Variants in DESI2 observed in about 807,000 individuals in gnomAD.
DESI2 encodes the protein desumoylating isopeptidase 2.
A neutral mutation model predicts 24.1 loss-of-function variants in DESI2; 10 were observed. The ratio of observed to expected loss-of-function variants is 0.41; its 90% CI spans 0.26 to 0.70. The LOEUF (loss-of-function observed/expected upper bound fraction) is 0.70, where lower values mean the gene tolerates loss of function less well. DESI2 is among the 30% of genes least tolerant of loss of function. The probability of loss-of-function intolerance (pLI) is 0.29; values close to 1 mark genes in which losing one functional copy is unlikely to be tolerated. For missense variants in DESI2, 122 were observed against 234.9 expected, an observed-to-expected ratio of 0.52 and a Z score of 3.14; for synonymous variants, 71 against 87.7, an observed-to-expected ratio of 0.81 and a Z score of 1.06.
At chr1:244,672,211 G>A (rs1676270826) in intron 1 of DESI2, among the ~76,000 whole-genome samples, 2 of 152,122 alleles carry the variant, frequency 1.3e-5, no homozygotes, top group African/African-American at 4.8e-5. Flanking sequence ...GGGAGGTCTT[G>A]GAATCATGGG....
intron 4 of DESI2, among the ~76,000 whole-genome samples, chr1:244,701,790 A>G (rs1003156880): frequency 6.6e-6 from 1 of 152,222 alleles, no homozygotes; most frequent in Non-Finnish European, 1.5e-5. Flanking sequence ...CTGTAACAGT[A>G]TATAGAAATA....
chr1:244,681,082 C>T (rs1676597548), intron 1 of DESI2, among the ~76,000 whole-genome samples: 1 of 151,740 alleles, frequency 6.6e-6, no homozygotes, highest in Admixed American at 6.6e-5. Context: ...TGCTTTAGGC[C>T]AGCTTCTCTA....
Position 244,686,688 on chromosome 1 carries a change from T to C in DESI2, c.115+19T>C. 2 of 1,506,662 alleles carry C rather than the reference T, an allele frequency of 1.3e-6. No individual in the cohort carries two copies. Among genetic ancestry groups the C allele is most frequent in the Non-Finnish European group, 1.8e-6 (2 of 1,083,144 alleles). 93.3% of individuals were successfully genotyped at this position (1,506,662 alleles called of 1,614,324 possible). ...GGCAGAGGTACGTGTACACACAGTC[T>C]AAATATACTCTCTGAAGATTTTGTA... On this transcript the variant is annotated intron_variant, in intron 2 of 4. Transcript: ENST00000302550.
At chr1:244,655,689 C>T (rs1314795644) in intron 1 of DESI2, among the ~76,000 whole-genome samples, 1 of 152,152 alleles carries the variant, frequency 6.6e-6, no homozygotes, top group Non-Finnish European at 1.5e-5. Flanking sequence ...GCTGAAAAAT[C>T]AAAGGTATGA....
intron 1 of DESI2, among the ~76,000 whole-genome samples, chr1:244,685,194 C>A (rs1355870775): frequency 6.6e-6 from 1 of 152,086 alleles, no homozygotes; most frequent in Admixed American, 6.6e-5. Flanking sequence ...ATATTTTCCT[C>A]TGTAAATTCT....
chr1:244,685,835 C>G (rs182854983), intron 1 of DESI2, among the ~76,000 whole-genome samples: 1 of 152,110 alleles, frequency 6.6e-6, no homozygotes, highest in Admixed American at 6.5e-5. Flanking sequence ...CTCAGTTTAA[C>G]CCCCTCCACT....
At chr1:244,702,465 G>C (rs925027204) in intron 4 of DESI2, among the ~76,000 whole-genome samples, 1 of 152,186 alleles carries the variant, frequency 6.6e-6, no homozygotes, top group African/African-American at 2.4e-5. Flanking sequence ...AGCGAGCCCA[G>C]ATTGTGCCAC....
chr1:244,654,313 A>G (rs912271958), intron 1 of DESI2, among the ~76,000 whole-genome samples: 2 of 152,244 alleles, frequency 1.3e-5, no homozygotes, highest in African/African-American at 4.8e-5. Context: ...AAGTTGACTG[A>G]CAAATGAAAA....
chr1:244,683,643 G>GT (rs1676710995), intron 1 of DESI2, among the ~76,000 whole-genome samples: 1 of 151,942 alleles, frequency 6.6e-6, no homozygotes, highest in Non-Finnish European at 1.5e-5. Flanking sequence ...ACTTGCTTTT[G>GT]TTTCCCTAAC....
chr1:244,695,048 A>AG (rs1287775010), intron 4 of DESI2, among the ~76,000 whole-genome samples: 1 of 152,224 alleles, frequency 6.6e-6, no homozygotes, highest in African/African-American at 2.4e-5. Context: ...TGAGTGTCAT[A>AG]GGGATGTAAG....
intron 4 of DESI2, among the ~76,000 whole-genome samples, chr1:244,699,454 G>A (rs1454721713): frequency 6.6e-6 from 1 of 151,330 alleles, no homozygotes; most frequent in Non-Finnish European, 1.5e-5. Context: ...TGGTGGCGCG[G>A]ACCTGTAGTC....
intron 1 of DESI2, among the ~76,000 whole-genome samples, chr1:244,678,194 T>A (rs1377806575): frequency 6.6e-6 from 1 of 152,220 alleles, no homozygotes; most frequent in African/African-American, 2.4e-5. Flanking sequence ...CCACATCTCA[T>A]TATAGTGAAT....
At chr1:244,682,336 C>T (rs936606534) in intron 1 of DESI2, among the ~76,000 whole-genome samples, 2 of 152,200 alleles carry the variant, frequency 1.3e-5, no homozygotes, top group Non-Finnish European at 2.9e-5. Flanking sequence ...ATTTACAATC[C>T]TCTAGCTAGA....
At chr1:244,660,833 A>G (rs1424466800) in intron 1 of DESI2, among the ~76,000 whole-genome samples, 1 of 152,192 alleles carries the variant, frequency 6.6e-6, no homozygotes, top group Non-Finnish European at 1.5e-5. Flanking sequence ...ATTCTTACCC[A>G]TACGGAATTG....
At chr1:244,698,956 C>T (rs1329795555) in intron 4 of DESI2, among the ~76,000 whole-genome samples, 2 of 152,180 alleles carry the variant, frequency 1.3e-5, no homozygotes, top group African/African-American at 4.8e-5. Context: ...AGGACTGTGA[C>T]CCCTGTGCCT....
At position 244,708,888 on chromosome 1, in the gene DESI2, TG is replaced by T. The variant is rs766678475; in HGVS notation, c.*3100del. The T allele has an allele frequency of 2.6e-5, 4 of 152,602 alleles. No homozygotes were observed. The highest frequency in any genetic ancestry group is 5.9e-5 in the Non-Finnish European group (4 of 68,028). 9.5% of individuals were successfully genotyped at this position (152,602 alleles called of 1,614,324 possible). A position where few individuals can be genotyped will look rare whatever the true frequency, so the allele number is the denominator to read the frequency against. On this transcript the variant is annotated 3_prime_UTR_variant, in exon 5 of 5. Transcript: ENST00000302550. ...TCATGGACCTGAAGATAATTTCTTG[TG>T]AAGTTGAATGCAAGTGTACTGTCAT...
intron 1 of DESI2, among the ~76,000 whole-genome samples, chr1:244,656,864 TC>T (rs1675664699): frequency 6.6e-6 from 1 of 152,152 alleles, no homozygotes; most frequent in South Asian, 2.1e-4. Context: ...AACCTCTGCC[TC>T]CCCAGTTCAA....
At chr1:244,684,587 TTTTC>T (rs1369089580) in intron 1 of DESI2, among the ~76,000 whole-genome samples, 2 of 152,214 alleles carry the variant, frequency 1.3e-5, no homozygotes, top group African/African-American at 2.4e-5. Flanking sequence ...CCTCATTCTT[TTTTC>T]TTTTTTAAAA....
intron 1 of DESI2, among the ~76,000 whole-genome samples, chr1:244,684,732 AC>A (rs1676754188): frequency 6.6e-6 from 1 of 152,198 alleles, no homozygotes; most frequent in Non-Finnish European, 1.5e-5. Flanking sequence ...CTTGTAGACA[AC>A]TACAGTTAAT....
Sources: allele counts gnomAD v4.1 joint callset (sites outside exome capture counted in the v4.1 genomes callset), GRCh38; gene constraint gnomAD v4.1.1; transcripts MANE v1.5; gene names NCBI Gene and HGNC (gene_info 2026-07-23, HGNC 2026-07-21).